The following GAS2 variants were observed in gnomAD, a reference collection of about 807,000 sequenced individuals.
The protein encoded by GAS2 is growth arrest specific 2.
A neutral mutation model predicts 37.5 loss-of-function variants in GAS2; 20 were observed. The ratio of observed to expected loss-of-function variants is 0.53; its 90% CI spans 0.37 to 0.77. The LOEUF (loss-of-function observed/expected upper bound fraction) is 0.77, where lower values mean the gene tolerates loss of function less well. Ranked by LOEUF, GAS2 falls within the 30% of genes least tolerant of loss-of-function variation. The probability of loss-of-function intolerance (pLI) is 0.00; values close to 1 mark genes in which losing one functional copy is unlikely to be tolerated. For synonymous variants in GAS2, 144 were observed against 132.2 expected (o/e 1.09, Z -0.61); for missense variants, 336 against 373.4 (o/e 0.90, Z 0.82).
chr11:22,744,002 A>G (rs758710144), intron 5 of GAS2, among the ~76,000 whole-genome samples: 5 of 152,168 alleles, frequency 3.3e-5, no homozygotes, highest in Non-Finnish European at 7.4e-5. Flanking sequence ...CTCAGAGACT[A>G]TTATGAACAC....
chr11:22,763,616 TACACACACACAC>T (rs34715661), intron 7 of GAS2, among the ~76,000 whole-genome samples: 4,400 of 143,832 alleles, frequency 0.031, 81 homozygotes, highest in Middle Eastern at 0.049. Flanking sequence ...AAAATACACA[TACACACACACAC>T]ACACACACAC....
In GAS2 at chr11:22,685,736, G is replaced by C; in HGVS notation, c.214G>C (p.Glu72Gln). The part of the protein sequence containing the change: ...DNGALLCQLA[E>Q]TMQEKFKESM... The stretch of plus-strand genomic sequence containing the variant: ...TGGTGCCTTGCTCTGTCAACTTGCA[G>C]AAACTATGCAGGAGAAATTCAAGGA... The change falls in exon 3 of 8, where the codon GAA (glutamate) becomes CAA (glutamine). Residue 72 changes from glutamate to glutamine, a missense_variant. Glu to Gln is a conservative substitution (Grantham distance 29). Coordinates refer to ENST00000454584, the MANE Select transcript of GAS2 (RefSeq NM_001143830.3). 1 of 1,613,778 alleles carries C rather than the reference G, an allele frequency of 6.2e-7. No homozygotes were observed. Among genetic ancestry groups the C allele is most frequent in the Non-Finnish European group, 8.5e-7 (1 of 1,179,830 alleles).
chr11:22,770,263 A>G (rs896182480), intron 7 of GAS2, among the ~76,000 whole-genome samples: 1 of 152,174 alleles, frequency 6.6e-6, no homozygotes, highest in Non-Finnish European at 1.5e-5. Context: ...ACGTATACCT[A>G]TGTAACAAAC....
chr11:22,727,236 T>G (rs1852259572), intron 4 of GAS2, among the ~76,000 whole-genome samples: 1 of 152,024 alleles, frequency 6.6e-6, no homozygotes. Flanking sequence ...TTTTGCAAAA[T>G]GCAACCAAAT....
chr11:22,665,025 G>A (rs558386124), upstream of GAS2, among the ~76,000 whole-genome samples: 1 of 151,392 alleles, frequency 6.6e-6, no homozygotes, highest in Admixed American at 6.6e-5. Context: ...ATACCTGGAA[G>A]AAATGAGCAT....
In GAS2 at chr11:22,761,617, G is replaced by A. The variant is rs12793529; in HGVS notation, c.723+5664G>A. 8.6e-3 allele frequency among the ~76,000 whole-genome samples: 1,303 copies of A among 152,280 alleles called. 12 individuals are homozygous for A. Among genetic ancestry groups the A allele is most frequent in the South Asian group, 0.015 (72 of 4,828 alleles). On this transcript the variant is annotated intron_variant, in intron 7 of 7. Transcript: ENST00000454584. The stretch of plus-strand genomic sequence containing the variant: ...TCAAAAATATTATTTGTAAAGAAAA[G>A]TTAACATGGTTAAGAGTTGAAACAG...
In GAS2 at chr11:22,703,639, A is replaced by G. The variant is rs544612179; in HGVS notation, c.267+17850A>G. On this transcript the variant is annotated intron_variant, in intron 3 of 7. Coordinates refer to ENST00000454584, the MANE Select transcript of GAS2 (RefSeq NM_001143830.3). ...TAAAATGTAAGCACTCACCATATTT[A>G]TGTGTGTGTGGTCCAAGGTATGTGG... 2.6e-5 allele frequency among the ~76,000 whole-genome samples: 4 copies of G among 152,284 alleles called. No homozygotes were observed. The East Asian group carries it at 5.8e-4, about 22-fold the overall frequency.
intron 4 of GAS2, among the ~76,000 whole-genome samples, chr11:22,732,815 C>G (rs1425894681): frequency 6.6e-6 from 1 of 151,316 alleles, no homozygotes; most frequent in Non-Finnish European, 1.5e-5. Flanking sequence ...TCATCATCAC[C>G]ACCACCATTG....
At chr11:22,725,520 C>T (rs1852157510) in intron 3 of GAS2, among the ~76,000 whole-genome samples, 1 of 152,086 alleles carries the variant, frequency 6.6e-6, no homozygotes, top group South Asian at 2.1e-4. Context: ...CCTCAACTTC[C>T]TGGGCTCAGG....
At chr11:22,796,336 C>T (rs375965459) in intron 7 of GAS2, among the ~76,000 whole-genome samples, 1 of 152,228 alleles carries the variant, frequency 6.6e-6, no homozygotes, top group East Asian at 1.9e-4. Flanking sequence ...GTTTGGCTTG[C>T]TTCTTTTTGA....
intron 2 of GAS2, among the ~76,000 whole-genome samples, chr11:22,684,273 G>A (rs1380822452): frequency 3.9e-5 from 6 of 152,152 alleles, no homozygotes; most frequent in African/African-American, 1.2e-4. Flanking sequence ...AGAAAATTAG[G>A]GATTGTGCAA....
chr11:22,741,465 A>G (rs1174981604), intron 5 of GAS2, among the ~76,000 whole-genome samples: 1 of 151,866 alleles, frequency 6.6e-6, no homozygotes, highest in African/African-American at 2.4e-5. Flanking sequence ...AAGTAAAAAA[A>G]AAACTTTTGA....
intron 7 of GAS2, among the ~76,000 whole-genome samples, chr11:22,783,371 G>A (rs930851530): frequency 1.3e-4 from 20 of 152,106 alleles, no homozygotes; most frequent in African/African-American, 4.6e-4. Flanking sequence ...ACTTGTGAAT[G>A]TTTTCTCCCA....
At chr11:22,788,217 C>G (rs1855909990) in intron 7 of GAS2, among the ~76,000 whole-genome samples, 1 of 151,964 alleles carries the variant, frequency 6.6e-6, no homozygotes, top group South Asian at 2.1e-4. Flanking sequence ...AAGGAGAGGC[C>G]AAGAGACATG....
chr11:22,737,681 G>A (rs1197239988), intron 4 of GAS2, 24 bp from the exon 5 acceptor site: 1 of 1,612,464 alleles, frequency 6.2e-7, no homozygotes, highest in Admixed American at 1.7e-5. Flanking sequence ...TTGTAAAGGT[G>A]TTCGCCTCTG....
At chr11:22,746,785 C>T (rs1006916901) in intron 5 of GAS2, among the ~76,000 whole-genome samples, 1 of 151,938 alleles carries the variant, frequency 6.6e-6, no homozygotes, top group Non-Finnish European at 1.5e-5. Context: ...TCATTTGTAC[C>T]CCAAACCTCA....
intron 7 of GAS2, among the ~76,000 whole-genome samples, chr11:22,796,507 G>A (rs2134610366): frequency 6.6e-6 from 1 of 152,002 alleles, no homozygotes; most frequent in Non-Finnish European, 1.5e-5. Flanking sequence ...CCTTTCATTT[G>A]AGTAGGGTTT....
chr11:22,690,864 TGC>T (rs1461267820), intron 3 of GAS2, among the ~76,000 whole-genome samples: 1 of 152,152 alleles, frequency 6.6e-6, no homozygotes, highest in East Asian at 1.9e-4. Flanking sequence ...ATTGTATATT[TGC>T]TCTCTTTCCC....
At chr11:22,789,309 C>T (rs1290794889) in intron 7 of GAS2, among the ~76,000 whole-genome samples, 7,154 of 72,260 alleles carry the variant, frequency 0.099, 578 homozygotes, top group African/African-American at 0.29. Flanking sequence ...TATATACACA[C>T]ACACACACAC....
Sources: allele counts gnomAD v4.1 joint callset (sites outside exome capture counted in the v4.1 genomes callset), GRCh38; gene constraint gnomAD v4.1.1; transcripts MANE v1.5; gene names NCBI Gene and HGNC (gene_info 2026-07-23, HGNC 2026-07-21).